MAGI2: variants seen among roughly 807,000 people sequenced by gnomAD.
The protein encoded by MAGI2 is membrane-associated guanylate kinase, WW and PDZ domain-containing protein 2.
Under a neutral mutation model 133.3 loss-of-function variants are expected in MAGI2, and 35 were observed. The ratio of observed to expected loss-of-function variants is 0.26; its 90% confidence interval spans 0.20 to 0.35. MAGI2 has a LOEUF of 0.35. Among genes scored for constraint, MAGI2 ranks in the 10% least tolerant of loss-of-function variants. The pLI, the probability that MAGI2 is intolerant of heterozygous loss-of-function variation, is 1.00. For missense variants in MAGI2, 1,636 were observed against 1,863.4 expected (o/e 0.88, Z 2.25); for synonymous variants, 729 against 710.6 (o/e 1.03, Z -0.41).
intron 3 of MAGI2, among the ~76,000 whole-genome samples, chr7:78,623,452 T>G (rs915241420): frequency 3.9e-5 from 6 of 152,108 alleles, no homozygotes; most frequent in African/African-American, 1.4e-4. Flanking sequence ...TTACAGTTTT[T>G]TTCATATATA....
At chr7:78,565,539 G>A (rs1207536284) in intron 3 of MAGI2, among the ~76,000 whole-genome samples, 2 of 151,126 alleles carry the variant, frequency 1.3e-5, no homozygotes, top group African/African-American at 4.9e-5. Flanking sequence ...CCTATACTGA[G>A]CACTTAATAA....
chr7:78,391,449 T>C (rs1162988041), intron 6 of MAGI2, among the ~76,000 whole-genome samples: 2 of 152,232 alleles, frequency 1.3e-5, no homozygotes, highest in African/African-American at 4.8e-5. Flanking sequence ...TTTATTTGAA[T>C]TGTAATGCCA....
chr7:78,809,746 A>G (rs1788883312), intron 2 of MAGI2, among the ~76,000 whole-genome samples: 1 of 152,170 alleles, frequency 6.6e-6, no homozygotes, highest in Admixed American at 6.5e-5. Context: ...TTTTAAAAGA[A>G]GGAAACAGCG....
chr7:78,410,045 A>C (rs932696847), intron 6 of MAGI2, among the ~76,000 whole-genome samples: 2 of 152,026 alleles, frequency 1.3e-5, no homozygotes, highest in Admixed American at 6.6e-5. Flanking sequence ...CATGCAAAGA[A>C]GGAAAGCTGA....
At chr7:79,296,664 T>A (rs1836954288) in intron 1 of MAGI2, among the ~76,000 whole-genome samples, 2 of 152,158 alleles carry the variant, frequency 1.3e-5, no homozygotes. Context: ...GAAAAGGATA[T>A]GTGGAATCCT....
intron 10 of MAGI2, among the ~76,000 whole-genome samples, chr7:78,211,285 C>A (rs895591317): frequency 2.0e-5 from 3 of 152,158 alleles, no homozygotes; most frequent in Non-Finnish European, 4.4e-5. Context: ...AATTCACTTA[C>A]AGTGGCAGAG....
At chr7:78,258,418 A>ATCC (rs1793205975) in intron 9 of MAGI2, among the ~76,000 whole-genome samples, 1 of 152,196 alleles carries the variant, frequency 6.6e-6, no homozygotes, top group Non-Finnish European at 1.5e-5. Context: ...AAAGAACAAC[A>ATCC]AATACTTGTA....
At chr7:79,136,105 GAAAGAAAGAAA>G (rs1562929424) in intron 1 of MAGI2, among the ~76,000 whole-genome samples, 16 of 148,108 alleles carry the variant, frequency 1.1e-4, no homozygotes, top group Non-Finnish European at 2.1e-4. Flanking sequence ...AAGAAAGAAA[GAAAGAAAGAAA>G]GAAAGAAAGA....
At chr7:78,219,135 G>C (rs1354242354) in intron 10 of MAGI2, among the ~76,000 whole-genome samples, 2 of 152,062 alleles carry the variant, frequency 1.3e-5, no homozygotes, top group African/African-American at 4.8e-5. Context: ...ATGAGATAAG[G>C]GTTCACTCCT....
intron 6 of MAGI2, among the ~76,000 whole-genome samples, chr7:78,436,818 C>G (rs1800334305): frequency 6.6e-6 from 1 of 152,146 alleles, no homozygotes; most frequent in Non-Finnish European, 1.5e-5. Flanking sequence ...TCCTCAGAAG[C>G]CAACAGATGA....
At chr7:79,424,387 T>C (rs1847190875) in intron 1 of MAGI2, among the ~76,000 whole-genome samples, 1 of 151,978 alleles carries the variant, frequency 6.6e-6, no homozygotes, top group South Asian at 2.1e-4. Flanking sequence ...GAGAGTAGAA[T>C]GGTGGTTGTG....
intron 2 of MAGI2, among the ~76,000 whole-genome samples, chr7:78,978,113 C>G (rs993717028): frequency 6.6e-6 from 1 of 151,740 alleles, no homozygotes; most frequent in Non-Finnish European, 1.5e-5. Flanking sequence ...GACAGTTTGG[C>G]AGGTTCTTTA....
intron 1 of MAGI2, among the ~76,000 whole-genome samples, chr7:79,187,470 A>G (rs1300973286): frequency 6.6e-6 from 1 of 151,748 alleles, no homozygotes; most frequent in Admixed American, 6.6e-5. Context: ...TACCTATTTC[A>G]CTAAGCAATG....
intron 4 of MAGI2, among the ~76,000 whole-genome samples, chr7:78,513,022 G>A (rs1354543341): frequency 6.6e-6 from 1 of 152,036 alleles, no homozygotes; most frequent in Non-Finnish European, 1.5e-5. Flanking sequence ...AACAAACTTT[G>A]GGGTGAAAGA....
chr7:79,190,835 T>A (rs1171921441), intron 1 of MAGI2, among the ~76,000 whole-genome samples: 1 of 151,876 alleles, frequency 6.6e-6, no homozygotes, highest in Non-Finnish European at 1.5e-5. Flanking sequence ...TTTTTAAAAA[T>A]AAGTTCTTGA....
At chr7:78,745,928 A>G (rs1013045450) in intron 2 of MAGI2, among the ~76,000 whole-genome samples, 5 of 152,246 alleles carry the variant, frequency 3.3e-5, no homozygotes, top group African/African-American at 1.2e-4. Flanking sequence ...TCACCTGTTG[A>G]ACAGAAAGAA....
chr7:78,457,111 G>A (rs1034268484), intron 6 of MAGI2, among the ~76,000 whole-genome samples: 1 of 152,146 alleles, frequency 6.6e-6, no homozygotes, highest in African/African-American at 2.4e-5. Flanking sequence ...TCAGTTCACC[G>A]TGTTTGAGGA....
intron 3 of MAGI2, among the ~76,000 whole-genome samples, chr7:78,573,953 C>T (rs1294548568): frequency 6.6e-6 from 1 of 152,160 alleles, no homozygotes; most frequent in East Asian, 1.9e-4. Context: ...AGCCTGACAT[C>T]AAGCCCTGCC....
At chr7:79,002,928 A>G (rs1235328421) in intron 2 of MAGI2, among the ~76,000 whole-genome samples, 1 of 142,920 alleles carries the variant, frequency 7.0e-6, no homozygotes, top group Admixed American at 7.2e-5. Context: ...TTTTTTTAGA[A>G]TTAGGCGGGC....
Sources: gnomAD v4.1 joint callset for allele counts (sites outside exome capture counted in the v4.1 genomes callset) on GRCh38, gnomAD v4.1.1 for gene constraint, MANE v1.5 for transcripts, NCBI Gene and HGNC (gene_info 2026-07-23, HGNC 2026-07-21) for gene names.